The following DLG5 variants were observed in gnomAD, a reference collection of about 807,000 sequenced individuals.
DLG5 encodes discs large MAGUK scaffold protein 5, also known as disks large homolog 5.
DLG5 carries 48 observed loss-of-function variants against 189.8 expected under a neutral mutation model. The observed-to-expected ratio is 0.25, with a 90% CI of 0.20 to 0.32. The LOEUF is 0.32. Among genes scored for constraint, DLG5 ranks in the 10% least tolerant of loss-of-function variants. DLG5 has a pLI of 1.00. For missense variants in DLG5, 2,160 were observed against 2,544.7 expected, an observed-to-expected ratio of 0.85 and a Z score of 3.25; for synonymous variants, 1,016 against 1,054.1, an observed-to-expected ratio of 0.96 and a Z score of 0.70.
intron 1 of DLG5, among the ~76,000 whole-genome samples, chr10:77,905,153 G>A (rs1846037652): frequency 6.6e-6 from 1 of 151,088 alleles, no homozygotes; most frequent in Non-Finnish European, 1.5e-5. Context: ...AAACTCTCCT[G>A]GCTCCTTGTC....
intron 2 of DLG5, among the ~76,000 whole-genome samples, chr10:77,865,791 C>T (rs1844653764): frequency 6.6e-6 from 1 of 152,116 alleles, no homozygotes; most frequent in African/African-American, 2.4e-5. Context: ...CCCGAGGAGG[C>T]CTTGGCACAA....
chr10:77,848,123 T>A (rs114489686), intron 5 of DLG5, among the ~76,000 whole-genome samples: 111 of 152,220 alleles, frequency 7.3e-4, no homozygotes, highest in African/African-American at 2.6e-3. Context: ...GGGTGGAAGT[T>A]GCACAGGGGA....
At chr10:77,870,846 A>C (rs1241990453) in intron 1 of DLG5, among the ~76,000 whole-genome samples, 2 of 152,022 alleles carry the variant, frequency 1.3e-5, no homozygotes, top group African/African-American at 2.4e-5. Flanking sequence ...GGGGGACAGG[A>C]GAGACCTTGA....
Position 77,856,711 on chromosome 10 carries a change from G to GAGA in DLG5, c.536+16_536+18dup, listed in dbSNP as rs773976113. 1.9e-6 allele frequency: 3 copies of GAGA among 1,609,144 alleles called. No homozygotes were observed. The African/African-American group carries it at 4.0e-5, about 22-fold the overall frequency. ...TCCCAACCATGGGGCCTGGGCAGGG[G>GAGA]AGACGGCGCAATTACTACCTCTTGT... is the stretch of plus-strand genomic sequence containing the variant. On this transcript the variant is annotated intron_variant, in intron 3 of 31. Transcript: ENST00000372391.
rs747773706 is a variant in DLG5 at position 77,806,752 on chromosome 10, A to C, written c.4967+6T>G. The stretch of plus-strand genomic sequence containing the variant: ...CCACCCCACCCCAGGCCCGGAGAAC[A>C]CTTACACATATTTGCTGGGAATCTG... On this transcript the variant is annotated splice_donor_region_variant and intron_variant, in intron 26 of 31. Transcript: ENST00000372391. 6.8e-7 allele frequency: 1 copy of C among 1,477,718 alleles called. No homozygotes were observed. The highest frequency in any genetic ancestry group is 1.8e-5 in the Admixed American group (1 of 56,478). The allele number at this position is 1,477,718 out of a possible 1,614,324, so 91.5% of individuals were successfully genotyped here. A position where few individuals can be genotyped will look rare whatever the true frequency, so the allele number is the denominator to read the frequency against.
At chr10:77,862,864 G>A (rs2154576911) in intron 2 of DLG5, among the ~76,000 whole-genome samples, 1 of 152,242 alleles carries the variant, frequency 6.6e-6, no homozygotes, top group East Asian at 1.9e-4. Context: ...ATTCTGGGAA[G>A]GGCAACACTA....
rs909425904 is a variant in DLG5 at position 77,819,325 on chromosome 10, G to C, written c.3667C>G (p.Pro1223Ala). ...ARDAGPQGLH[P>A]SVQHQGRLSL... ...GCGTAGGGTGCCTTCACATACCTGG[G>C]ATGCAAACCCTGGGGGCCAGCATCT... is the stretch of plus-strand genomic sequence containing the variant. Residue 1223 changes from proline (P) to alanine (A), a missense_variant, in exon 17 of 32, where the codon CCC becomes GCC. This residue lies in a region of DLG5 where 754 missense variants were observed against 746.5 expected (regional missense o/e 1.01). Transcript: ENST00000372391. The C allele has an allele frequency of 7.4e-6, 12 of 1,613,826 alleles. No individual in the cohort carries two copies. Among genetic ancestry groups the C allele is most frequent in the African/African-American group, 1.3e-5 (1 of 74,930 alleles).
intron 20 of DLG5, among the ~76,000 whole-genome samples, chr10:77,815,469 G>T (rs1169721662): frequency 6.6e-6 from 1 of 152,140 alleles, no homozygotes; most frequent in Non-Finnish European, 1.5e-5. Flanking sequence ...AGATAAGCTT[G>T]ACCAACATGG....
chr10:77,907,039 C>T (rs1846089557), intron 1 of DLG5, among the ~76,000 whole-genome samples: 1 of 152,168 alleles, frequency 6.6e-6, no homozygotes, highest in South Asian at 2.1e-4. Context: ...CAGTCTATAC[C>T]TGTTCAATGA....
At chr10:77,823,746 G>A (rs984451381) in intron 14 of DLG5, among the ~76,000 whole-genome samples, 6 of 152,094 alleles carry the variant, frequency 3.9e-5, no homozygotes, top group African/African-American at 1.2e-4. Flanking sequence ...GTCAAGGCTG[G>A]TCTCGAACTC....
chr10:77,861,868 T>A (rs945854019), intron 2 of DLG5, among the ~76,000 whole-genome samples: 2 of 152,144 alleles, frequency 1.3e-5, no homozygotes, highest in Non-Finnish European at 2.9e-5. Context: ...ACAGGACACA[T>A]ACAGAAAGTA....
chr10:77,820,730 C>T (rs561429521), intron 15 of DLG5: 25 of 293,770 alleles, frequency 8.5e-5, no homozygotes, highest in Admixed American at 5.1e-4. Flanking sequence ...ATCAGGCCGT[C>T]CCGCTGCCCA....
chr10:77,935,700 A>G, the DLG5 span, among the ~76,000 whole-genome samples: 1 of 152,172 alleles, frequency 6.6e-6, no homozygotes, highest in East Asian at 1.9e-4. Context: ...CATTGACAAG[A>G]GTGTGAGGGC....
chr10:77,846,494 C>G (rs895281785), intron 5 of DLG5, among the ~76,000 whole-genome samples: 1 of 151,894 alleles, frequency 6.6e-6, no homozygotes, highest in Admixed American at 6.6e-5. Flanking sequence ...ATTGGAAGTT[C>G]CAGACCAGCC....
At chr10:77,856,970 G>T in intron 2 of DLG5, 78 bp from the exon 3 acceptor site, 1 of 1,394,944 alleles carries the variant, frequency 7.2e-7, no homozygotes, top group Non-Finnish European at 9.8e-7. Context: ...TGAGCTGTTG[G>T]CTTGTGTTAG....
At chr10:77,812,094 G>T in intron 21 of DLG5, 37 bp from the exon 22 acceptor site, 1 of 1,603,860 alleles carries the variant, frequency 6.2e-7, no homozygotes. Context: ...TGGGGGGGTC[G>T]GGGCTGTGGA....
At chr10:77,891,950 T>C (rs570092509) in intron 1 of DLG5, among the ~76,000 whole-genome samples, 37 of 152,286 alleles carry the variant, frequency 2.4e-4, no homozygotes, top group African/African-American at 7.5e-4. Context: ...TGCCCCTCTC[T>C]CAGACTCGAC....
chr10:77,816,521 C>T lies in DLG5; in HGVS notation c.4025+30G>A, dbSNP rs376698134. ...GGGATGCACACTGTCCACTGGTTTACCCACTCCACCGATGACCGGCCATGC... is the reference window on the plus strand; with the variant it reads ...GGGATGCACACTGTCCACTGGTTTATCCACTCCACCGATGACCGGCCATGC... On this transcript the variant is annotated intron_variant, in intron 20 of 31. Transcript: ENST00000372391. The T allele has an allele frequency of 1.3e-5, 21 of 1,613,824 alleles. No homozygotes were observed. The East Asian group carries it at 1.6e-4, about 12-fold the overall frequency.
At position 77,805,031 on chromosome 10, in the gene DLG5, C is replaced by T. The variant is rs1012782067; in HGVS notation, c.5164+634G>A. 2.6e-5 allele frequency among the ~76,000 whole-genome samples: 4 copies of T among 152,110 alleles called. No homozygotes were observed. In the East Asian group the frequency reaches 5.8e-4, roughly 22 times the overall value. On this transcript the variant is annotated intron_variant, in intron 27 of 31. Coordinates refer to ENST00000372391, the MANE Select transcript of DLG5 (RefSeq NM_004747.4). ...TGTCACCCAGGCTGGAGTACGGTGG[C>T]GTGATCTTGGCTCACTGCACCTCCG...
Sources: allele counts gnomAD v4.1 joint callset (sites outside exome capture counted in the v4.1 genomes callset), GRCh38; gene constraint gnomAD v4.1.1; regional missense constraint gnomAD v4.1.1; transcripts MANE v1.5; gene names NCBI Gene and HGNC (gene_info 2026-07-23, HGNC 2026-07-21).